Variants in SETD3 observed in about 807,000 individuals in gnomAD.
SETD3 encodes the protein SET domain containing 3, actin N3(tau)-histidine methyltransferase.
A neutral mutation model predicts 63.0 loss-of-function variants in SETD3; 19 were observed. The ratio of observed to expected loss-of-function variants is 0.30; its 90% CI spans 0.21 to 0.44. The LOEUF is 0.44. SETD3 is among the 20% of genes least tolerant of loss of function. SETD3 has a pLI of 1.00. For synonymous variants in SETD3, 286 were observed against 264.1 expected, an observed-to-expected ratio of 1.08 and a Z score of -0.80; for missense variants, 587 against 728.5, an observed-to-expected ratio of 0.81 and a Z score of 2.24.
chr14:99,463,688 T>C (rs920222095), intron 2 of SETD3, 110 bp from the exon 3 acceptor site: 1 of 842,898 alleles, frequency 1.2e-6, no homozygotes, highest in Non-Finnish European at 1.9e-6. Context: ...GGGGTTGGTT[T>C]ATTTTTAAAA....
intron 6 of SETD3, among the ~76,000 whole-genome samples, chr14:99,436,123 C>A (rs1328767535): frequency 6.6e-6 from 1 of 152,100 alleles, no homozygotes; most frequent in Non-Finnish European, 1.5e-5. Context: ...ACAAGAACAA[C>A]ATGGGGGAAA....
chr14:99,432,651 A>G (rs1460347422), intron 6 of SETD3, among the ~76,000 whole-genome samples: 1 of 152,264 alleles, frequency 6.6e-6, no homozygotes, highest in Non-Finnish European at 1.5e-5. Context: ...AGGATTAAGA[A>G]GAGATGGATG....
At chr14:99,399,942 A>G (rs1022343062) in intron 12 of SETD3, among the ~76,000 whole-genome samples, 157 bp downstream of exon 12, 1 of 151,978 alleles carries the variant, frequency 6.6e-6, no homozygotes, top group African/African-American at 2.4e-5. Context: ...GGGTTTCACC[A>G]TGTTGGCCAG....
At chr14:99,484,228 TAGTC>T (rs147416710), upstream of SETD3, among the ~76,000 whole-genome samples, 10 of 152,328 alleles carry the variant, frequency 6.6e-5, no homozygotes, top group African/African-American at 1.2e-4. Flanking sequence ...AGCTGTGAAT[TAGTC>T]AGGTTGTTTC....
Position 99,398,535 on chromosome 14 carries a change from T to TA in SETD3, c.*143dup, listed in dbSNP as rs1375375423. 5 of 831,916 alleles carry TA rather than the reference T, an allele frequency of 6.0e-6. No homozygotes were observed. Among genetic ancestry groups the TA allele is most frequent in the Middle Eastern group, 3.7e-4 (1 of 2,726 alleles). 51.5% of individuals were successfully genotyped at this position (831,916 alleles called of 1,614,324 possible). ...GGGAAGCTAGATTTTTAAAATAACTTAAAAAAACCATTTTTATATAAAGCA... is the reference window on the plus strand; with the variant it reads ...GGGAAGCTAGATTTTTAAAATAACTTAAAAAAAACCATTTTTATATAAAGCA... On this transcript the variant is annotated 3_prime_UTR_variant, in exon 13 of 13. Coordinates refer to ENST00000331768, the MANE Select transcript of SETD3 (RefSeq NM_032233.3).
chr14:99,465,662 GCCA>G (rs1357262601), intron 2 of SETD3, 38 bp downstream of exon 2: 1 of 1,499,874 alleles, frequency 6.7e-7, no homozygotes, highest in East Asian at 2.3e-5. Context: ...AAAAGGCACA[GCCA>G]CCACATCAAG....
intron 6 of SETD3, among the ~76,000 whole-genome samples, chr14:99,436,399 C>G (rs1315399509): frequency 6.6e-6 from 1 of 152,124 alleles, no homozygotes; most frequent in Non-Finnish European, 1.5e-5. Context: ...CTTCTGCATT[C>G]CTGACAGAAG....
chr14:99,461,908 A>G (rs1279901412), intron 3 of SETD3, among the ~76,000 whole-genome samples: 1 of 152,258 alleles, frequency 6.6e-6, no homozygotes, highest in Non-Finnish European at 1.5e-5. Flanking sequence ...AATGTACCAC[A>G]GTGGCTTTTA....
intron 6 of SETD3, among the ~76,000 whole-genome samples, chr14:99,420,287 G>A (rs1566693697): frequency 6.6e-6 from 1 of 152,054 alleles, no homozygotes; most frequent in East Asian, 1.9e-4. Flanking sequence ...TGTCTTCTTT[G>A]ACCCCCTGTG....
At chr14:99,446,033 G>T (rs541560377) in intron 6 of SETD3, among the ~76,000 whole-genome samples, 1 of 152,344 alleles carries the variant, frequency 6.6e-6, no homozygotes, top group East Asian at 1.9e-4. Context: ...GGCCTGTGGA[G>T]ACAGAGGAGA....
At chr14:99,402,457 C>G (rs1891439579) in intron 11 of SETD3, among the ~76,000 whole-genome samples, 1 of 152,198 alleles carries the variant, frequency 6.6e-6, no homozygotes, top group South Asian at 2.1e-4. Context: ...GGGTCTTGCT[C>G]TGTTGGCCAG....
chr14:99,426,329 C>A lies in SETD3; in HGVS notation c.676-12395G>T, dbSNP rs78336465. ...TCACTCATTCAACAAATATTCACAGCACCCACTCTGAGTGAAGTGGAAAAG... is the reference window on the plus strand; with the variant it reads ...TCACTCATTCAACAAATATTCACAGAACCCACTCTGAGTGAAGTGGAAAAG... On this transcript the variant is annotated intron_variant, in intron 6 of 12. Transcript: ENST00000331768. Among the ~76,000 whole-genome samples the A allele has an allele frequency of 9.2e-5, 14 of 152,360 alleles. No individual in the cohort carries two copies. The East Asian group carries it at 2.5e-3, about 27-fold the overall frequency.
At chr14:99,456,691 A>T (rs1026207114) in intron 6 of SETD3, among the ~76,000 whole-genome samples, 1 of 152,226 alleles carries the variant, frequency 6.6e-6, no homozygotes, top group Non-Finnish European at 1.5e-5. Context: ...CCTGGCTCTT[A>T]AACAAATTGA....
chr14:99,431,139 G>A (rs1312723013), intron 6 of SETD3, among the ~76,000 whole-genome samples: 1 of 152,200 alleles, frequency 6.6e-6, no homozygotes, highest in Non-Finnish European at 1.5e-5. Flanking sequence ...CACCTCAAGT[G>A]CTGTCTCTGC....
intron 6 of SETD3, chr14:99,444,192 A>T (rs1033207258): frequency 6.6e-6 from 1 of 152,264 alleles, no homozygotes; most frequent in Non-Finnish European, 1.5e-5. Context: ...TGCAGAACAG[A>T]CAGGGCAGTC....
chr14:99,447,007 CT>C (rs1269466959), intron 6 of SETD3, among the ~76,000 whole-genome samples: 1 of 149,140 alleles, frequency 6.7e-6, no homozygotes, highest in African/African-American at 2.5e-5. Context: ...GAGTCTCACT[CT>C]GTCACCCAGG....
intron 6 of SETD3, among the ~76,000 whole-genome samples, chr14:99,434,920 A>T (rs1180556288): frequency 2.0e-5 from 3 of 151,620 alleles, no homozygotes; most frequent in Non-Finnish European, 4.4e-5. Flanking sequence ...GTACAAGTTA[A>T]ATCTCAATTT....
intron 6 of SETD3, among the ~76,000 whole-genome samples, chr14:99,457,044 A>C (rs1894800590): frequency 6.6e-6 from 1 of 152,244 alleles, no homozygotes; most frequent in South Asian, 2.1e-4. Context: ...CTTAACCTTT[A>C]GTCATGAAAG....
chr14:99,469,765 A>C (rs1295343546), intron 1 of SETD3, among the ~76,000 whole-genome samples: 1 of 152,064 alleles, frequency 6.6e-6, no homozygotes, highest in Non-Finnish European at 1.5e-5. Flanking sequence ...GAAACCTACA[A>C]ACCGCATAGT....
Sources: gnomAD v4.1 joint callset for allele counts (sites outside exome capture counted in the v4.1 genomes callset) on GRCh38, gnomAD v4.1.1 for gene constraint, MANE v1.5 for transcripts, NCBI Gene and HGNC (gene_info 2026-07-23, HGNC 2026-07-21) for gene names.